Variants in TSNARE1 observed in about 807,000 individuals in gnomAD.
The protein encoded by TSNARE1 is t-SNARE domain containing 1, also known as t-SNARE domain-containing protein 1.
A neutral mutation model predicts 62.0 loss-of-function variants in TSNARE1; 49 were observed. The observed-to-expected ratio is 0.79, with a 90% confidence interval of 0.63 to 1.00. TSNARE1 has a LOEUF of 1.00. Ranked by LOEUF, TSNARE1 falls within the 50% of genes least tolerant of loss-of-function variation. The pLI, the probability that TSNARE1 is intolerant of heterozygous loss-of-function variation, is 0.00. For missense variants in TSNARE1, 755 were observed against 700.1 expected (o/e 1.08, Z -0.88); for synonymous variants, 328 against 294.4 (o/e 1.11, Z -1.17).
At chr8:142,232,799 G>A (rs1009641043) in intron 12 of TSNARE1, among the ~76,000 whole-genome samples, 1 of 151,994 alleles carries the variant, frequency 6.6e-6, no homozygotes, top group African/African-American at 2.4e-5. Flanking sequence ...ACAGTTGGCA[G>A]AGGCAGAGGC....
intron 2 of TSNARE1, among the ~76,000 whole-genome samples, chr8:142,352,065 G>A (rs1368400820): frequency 5.3e-5 from 8 of 152,240 alleles, no homozygotes; most frequent in African/African-American, 7.2e-5. Context: ...TCAACTCAAC[G>A]CTGCCCTGGC....
At chr8:142,272,787 G>A in intron 12 of TSNARE1, 1 of 964,272 alleles carries the variant, frequency 1.0e-6, no homozygotes, top group Non-Finnish European at 1.2e-6. Context: ...ACAGACACCT[G>A]GTCCCTCCTG....
intron 1 of TSNARE1, among the ~76,000 whole-genome samples, chr8:142,363,564 A>G (rs1012916853): frequency 6.6e-6 from 1 of 152,086 alleles, no homozygotes; most frequent in African/African-American, 2.4e-5. Context: ...TCCCTGCAGG[A>G]ACACAAAAAC....
At chr8:142,351,031 A>C (rs923419932) in intron 2 of TSNARE1, among the ~76,000 whole-genome samples, 1 of 152,210 alleles carries the variant, frequency 6.6e-6, no homozygotes, top group Non-Finnish European at 1.5e-5. Context: ...GGTCACACAT[A>C]AAAGGAGTCC....
chr8:142,345,647 C>T, intron 3 of TSNARE1, 96 bp downstream of exon 3: 5 of 1,395,214 alleles, frequency 3.6e-6, no homozygotes, highest in Non-Finnish European at 4.7e-6. Context: ...CAGCCTCCTC[C>T]CTGCAGCTCC....
intron 6 of TSNARE1, chr8:142,326,151 A>G: frequency 5.7e-6 from 1 of 175,516 alleles, no homozygotes; most frequent in Non-Finnish European, 1.2e-5. Flanking sequence ...AGGAACCAGC[A>G]CCAGCTAAGG....
chr8:142,406,869 C>T (rs1838590635), upstream of TSNARE1: 1 of 152,240 alleles, frequency 6.6e-6, no homozygotes, highest in African/African-American at 2.4e-5. Context: ...ACAGCCCCAG[C>T]ACAGGACAGT....
intron 12 of TSNARE1, among the ~76,000 whole-genome samples, chr8:142,255,164 T>G (rs1818361592): frequency 6.6e-6 from 1 of 151,946 alleles, no homozygotes; most frequent in African/African-American, 2.4e-5. Flanking sequence ...CCCATGAACC[T>G]GTCAGTAAGA....
chr8:142,362,299 C>T (rs1350123143), intron 1 of TSNARE1, among the ~76,000 whole-genome samples: 1 of 152,230 alleles, frequency 6.6e-6, no homozygotes, highest in Non-Finnish European at 1.5e-5. Context: ...GTCTTCCCAC[C>T]GTGAATTAGC....
chr8:142,393,503 C>T (rs1206999669), intron 1 of TSNARE1, among the ~76,000 whole-genome samples: 2 of 152,252 alleles, frequency 1.3e-5, no homozygotes, highest in Non-Finnish European at 2.9e-5. Flanking sequence ...GAAGAGTGCA[C>T]AGGATCTGTG....
intron 2 of TSNARE1, among the ~76,000 whole-genome samples, chr8:142,349,800 C>T (rs1043563290): frequency 5.3e-5 from 8 of 152,218 alleles, no homozygotes; most frequent in African/African-American, 1.9e-4. Context: ...TCTCTTCTCA[C>T]CTCCCCTTCC....
At chr8:142,308,850 T>C (rs1300485104) in intron 9 of TSNARE1, among the ~76,000 whole-genome samples, 1 of 152,140 alleles carries the variant, frequency 6.6e-6, no homozygotes, top group African/African-American at 2.4e-5. Flanking sequence ...ACAGATTCAC[T>C]GGGTGAGAGC....
rs1389712333 is a variant in TSNARE1 at position 142,277,165 on chromosome 8, C to T, written c.1364-2302G>A. On this transcript the variant is annotated intron_variant, in intron 11 of 13. Coordinates refer to ENST00000524325, the MANE Select transcript of TSNARE1 (RefSeq NM_145003.5). Reference sequence around the variant, plus strand: ...GAGGTGAGCCCTGCAGAGCCACAGGCCCTGGGCACCTGCTCCTCCCAACAC... The same window carrying T: ...GAGGTGAGCCCTGCAGAGCCACAGGTCCTGGGCACCTGCTCCTCCCAACAC... The T allele has an allele frequency of 4.1e-6, 4 of 985,184 alleles. No individual in the cohort carries two copies. In the East Asian group the frequency reaches 4.5e-4, roughly 112 times the overall value. 61.0% of individuals were successfully genotyped at this position (985,184 alleles called of 1,614,324 possible).
rs184520201 is a variant in TSNARE1, at chr8:142,345,603, G to T, written c.238+140C>A. On this transcript the variant is annotated intron_variant, in intron 3 of 13. Coordinates refer to ENST00000524325, the MANE Select transcript of TSNARE1 (RefSeq NM_145003.5). ...CCTACTCAGGGGAAGGCCTGGCAGG[G>T]GGCAGGGGATGCAGGTCCCTTGCCT... 1,430 of 1,013,734 alleles carry T rather than the reference G, an allele frequency of 1.4e-3. 12 individuals are homozygous for T. The African/African-American group carries it at 0.021, about 15-fold the overall frequency. 62.8% of individuals were successfully genotyped at this position (1,013,734 alleles called of 1,614,324 possible).
At chr8:142,271,069 C>T (rs1407539602) in intron 12 of TSNARE1, 6 of 985,928 alleles carry the variant, frequency 6.1e-6, no homozygotes, top group Non-Finnish European at 7.2e-6. Context: ...TTGGCTCTGC[C>T]AGCACCCCCG....
chr8:142,270,865 C>T, intron 12 of TSNARE1: 2 of 985,520 alleles, frequency 2.0e-6, no homozygotes. Flanking sequence ...CGGCTCTCTG[C>T]AGCCTTTCCC....
At position 142,344,105 on chromosome 8, in the gene TSNARE1, G is replaced by T; in HGVS notation, c.606C>A (p.Leu202=). The change falls in exon 4 of 14, where the codon CTC becomes CTA. Residue 202 remains leucine, a synonymous_variant. Coordinates refer to ENST00000524325, the MANE Select transcript of TSNARE1 (RefSeq NM_145003.5). The part of the protein sequence containing the change: ...RAVVRRKLGD[L]RKAAHGPSPG... ...GGCTGGGGCCATGGGCCGCCTTCCGGAGGTCGCCCAGCTTGCGCCGCACGA... is the reference window on the plus strand; with the variant it reads ...GGCTGGGGCCATGGGCCGCCTTCCGTAGGTCGCCCAGCTTGCGCCGCACGA... The T allele has an allele frequency of 6.2e-7, 1 of 1,611,024 alleles. No homozygotes were observed. Among genetic ancestry groups the T allele is most frequent in the Non-Finnish European group, 8.5e-7 (1 of 1,178,620 alleles).
chr8:142,355,412 T>C (rs1834644682), intron 1 of TSNARE1, among the ~76,000 whole-genome samples: 1 of 152,146 alleles, frequency 6.6e-6, no homozygotes, highest in African/African-American at 2.4e-5. Flanking sequence ...AGACACACAT[T>C]ATGGTTGGCA....
intron 12 of TSNARE1, among the ~76,000 whole-genome samples, chr8:142,268,325 C>G (rs970706576): frequency 7.9e-5 from 12 of 152,376 alleles, no homozygotes; most frequent in Admixed American, 7.8e-4. Flanking sequence ...CCATTCTGCC[C>G]CTAAGTTCTC....
Sources: gnomAD v4.1 joint callset for allele counts (sites outside exome capture counted in the v4.1 genomes callset) on GRCh38, gnomAD v4.1.1 for gene constraint, MANE v1.5 for transcripts, NCBI Gene and HGNC (gene_info 2026-07-23, HGNC 2026-07-21) for gene names.